Variants in REL observed in about 807,000 individuals in gnomAD.
REL encodes the protein REL proto-oncogene, NF-kB subunit.
Under a neutral mutation model 45.9 loss-of-function variants are expected in REL, and 15 were observed. The ratio of observed to expected loss-of-function variants is 0.33; its 90% CI spans 0.22 to 0.50. The LOEUF (loss-of-function observed/expected upper bound fraction) is 0.50. Among genes scored for constraint, REL ranks in the 20% least tolerant of loss-of-function variants. REL has a pLI of 0.98. For missense variants in REL, 601 were observed against 715.2 expected, an observed-to-expected ratio of 0.84 and a Z score of 1.82; for synonymous variants, 239 against 242.1, an observed-to-expected ratio of 0.99 and a Z score of 0.12.
Position 60,929,887 on chromosome 2 carries a change from G to C in REL, c.*7352G>C, listed in dbSNP as rs1674350485. 1 of 152,060 alleles carries C rather than the reference G, an allele frequency of 6.6e-6. No homozygotes were observed. Among genetic ancestry groups the C allele is most frequent in the Non-Finnish European group, 1.5e-5 (1 of 68,008 alleles). The allele number at this position is 152,060 out of a possible 1,614,324, so 9.4% of individuals were successfully genotyped here. The stretch of plus-strand genomic sequence containing the variant: ...ATGGTGACATGTGCCTGTGGTCCCA[G>C]CTATTAGGGAGGCTGAGGTGGGAGG... On this transcript the variant is annotated 3_prime_UTR_variant, in exon 10 of 10. Transcript: ENST00000394479.
intron 4 of REL, among the ~76,000 whole-genome samples, chr2:60,914,670 C>T (rs890998221): frequency 7.2e-5 from 11 of 152,152 alleles, no homozygotes; most frequent in Non-Finnish European, 1.5e-4. Context: ...TACCCTGCCT[C>T]TGCCTCAGGC....
At chr2:60,914,127 A>G (rs910915107) in intron 4 of REL, among the ~76,000 whole-genome samples, 4 of 152,244 alleles carry the variant, frequency 2.6e-5, no homozygotes, top group Non-Finnish European at 4.4e-5. Context: ...AAAACTTTTA[A>G]GGGCATAAGA....
intron 3 of REL, chr2:60,899,333 A>G (rs1673435823): frequency 6.6e-6 from 1 of 152,072 alleles, no homozygotes; most frequent in South Asian, 2.1e-4. Context: ...AAAAATACAA[A>G]AATTAGCCAG....
chr2:60,920,060 A>G lies in REL; in HGVS notation c.873A>G (p.Ala291=). 1.9e-6 allele frequency: 3 copies of G among 1,611,920 alleles called. No homozygotes were observed. Among genetic ancestry groups the G allele is most frequent in the Non-Finnish European group, 2.5e-6 (3 of 1,178,732 alleles). ...PDEKDTYGNK[A]KKQKTTLLFQ... ...AATCAGATACTTACGGCAATAAAGCAAAGAAACAAAAGACAACTCTGCTTT... is the reference window on the plus strand; with the variant it reads ...AATCAGATACTTACGGCAATAAAGCGAAGAAACAAAAGACAACTCTGCTTT... Residue 291 remains alanine (A), a synonymous_variant, in exon 8 of 10, where the codon GCA becomes GCG. Transcript: ENST00000394479.
At chr2:60,885,935 A>AT (rs1024011345) in intron 1 of REL, among the ~76,000 whole-genome samples, 4 of 152,080 alleles carry the variant, frequency 2.6e-5, no homozygotes, top group South Asian at 2.1e-4. Context: ...CTATATTGTC[A>AT]TTTTTTCTTG....
chr2:60,920,413 A>G, intron 8 of REL, 161 bp from the exon 9 acceptor site: 1 of 670,014 alleles, frequency 1.5e-6, no homozygotes, highest in Non-Finnish European at 2.7e-6. Flanking sequence ...GTTGACCAGG[A>G]TGGTCTTGAA....
intron 9 of REL, among the ~76,000 whole-genome samples, chr2:60,920,916 ATTTGGTTAGTTACCTGT>A (rs2103986976): frequency 6.6e-6 from 1 of 152,196 alleles, no homozygotes; most frequent in Non-Finnish European, 1.5e-5. Flanking sequence ...AATGTTACTG[ATTTGGTTAGTTACCTGT>A]TTTTATAAAT....
In REL at chr2:60,926,470, C is replaced by T. The variant is rs1483348142; in HGVS notation, c.*3935C>T. ...TCACACTGCTTGACCTATGTATAACCTCCTATACTTCCCTCTTTGCATACT... is the reference window on the plus strand; with the variant it reads ...TCACACTGCTTGACCTATGTATAACTTCCTATACTTCCCTCTTTGCATACT... On this transcript the variant is annotated 3_prime_UTR_variant, in exon 10 of 10. Transcript: ENST00000394479. 4.3e-6 allele frequency: 1 copy of T among 231,790 alleles called. No individual in the cohort carries two copies. Among genetic ancestry groups the T allele is most frequent in the African/African-American group, 2.2e-5 (1 of 45,154 alleles). 14.4% of individuals were successfully genotyped at this position (231,790 alleles called of 1,614,324 possible). A position where few individuals can be genotyped will look rare whatever the true frequency, so the allele number is the denominator to read the frequency against.
rs1158277848 is a variant in REL at position 60,926,534 on chromosome 2, G to T, written c.*3999G>T. 1 of 231,700 alleles carries T rather than the reference G, an allele frequency of 4.3e-6. No homozygotes were observed. 14.4% of individuals were successfully genotyped at this position (231,700 alleles called of 1,614,324 possible). A position where few individuals can be genotyped will look rare whatever the true frequency, so the allele number is the denominator to read the frequency against. ...TGTGGTAGTCAAGATTCCTCCCTGAGATTTATTTCCCATGAGTCTTGACCC... is the reference window on the plus strand; with the variant it reads ...TGTGGTAGTCAAGATTCCTCCCTGATATTTATTTCCCATGAGTCTTGACCC... On this transcript the variant is annotated 3_prime_UTR_variant, in exon 10 of 10. Coordinates refer to ENST00000394479, the MANE Select transcript of REL (RefSeq NM_001291746.2).
intron 4 of REL, among the ~76,000 whole-genome samples, chr2:60,904,315 T>G (rs887472759): frequency 2.0e-5 from 3 of 151,728 alleles, no homozygotes; most frequent in Admixed American, 6.6e-5. Flanking sequence ...AGCAGGAGAT[T>G]CGCTTGAACC....
At chr2:60,900,842 C>G in intron 3 of REL, 150 bp from the exon 4 acceptor site, 1 of 683,572 alleles carries the variant, frequency 1.5e-6, no homozygotes, top group Non-Finnish European at 2.4e-6. Flanking sequence ...ACTTCTTACT[C>G]TCTCATCTTT....
chr2:60,900,680 T>C (rs1256156911), intron 3 of REL: 1 of 241,610 alleles, frequency 4.1e-6, no homozygotes, highest in African/African-American at 2.3e-5. Flanking sequence ...TGTGCCACTA[T>C]GCCTGGCTAA....
chr2:60,920,515 T>TA, intron 8 of REL, 59 bp from the exon 9 acceptor site: 1 of 1,356,946 alleles, frequency 7.4e-7, no homozygotes, highest in Non-Finnish European at 1.1e-6. Context: ...TTTCAGATTT[T>TA]AACTGATAAT....
chr2:60,928,154 CAAA>C lies in REL; in HGVS notation c.*5634_*5636del, dbSNP rs549824510. Reference sequence around the variant, plus strand: ...GTAATATAAGGAAAACCTGTCTCTGCAAAAAAAAAAAAAAAAAGAGGATACAAC... The same window carrying C: ...GTAATATAAGGAAAACCTGTCTCTGCAAAAAAAAAAAAAAGAGGATACAAC... On this transcript the variant is annotated 3_prime_UTR_variant, in exon 10 of 10. Coordinates refer to ENST00000394479, the MANE Select transcript of REL (RefSeq NM_001291746.2). 135 of 83,116 alleles carry C rather than the reference CAAA, an allele frequency of 1.6e-3. No homozygotes were observed. Among genetic ancestry groups the C allele is most frequent in the Middle Eastern group, 9.6e-3 (2 of 208 alleles). The allele number at this position is 83,116 out of a possible 1,614,324, so 5.1% of individuals were successfully genotyped here.
chr2:60,896,912 T>C (rs1334962810), intron 3 of REL, among the ~76,000 whole-genome samples: 1 of 152,246 alleles, frequency 6.6e-6, no homozygotes, highest in Admixed American at 6.5e-5. Flanking sequence ...GGTAACATTA[T>C]ATTTAACATG....
intron 4 of REL, among the ~76,000 whole-genome samples, chr2:60,902,595 C>CTT (rs59468048): frequency 2.6e-4 from 32 of 120,772 alleles, no homozygotes; most frequent in African/African-American, 5.8e-4. Flanking sequence ...ATTTAGTCAT[C>CTT]TTTTTTTTTT....
chr2:60,903,822 C>T (rs1221019995), intron 4 of REL, among the ~76,000 whole-genome samples: 5 of 152,042 alleles, frequency 3.3e-5, no homozygotes, highest in East Asian at 1.9e-4. Flanking sequence ...TTAGCCACCA[C>T]GCCTGGCCAG....
At position 60,901,041 on chromosome 2, in the gene REL, G is replaced by A; in HGVS notation, c.352G>A (p.Ala118Thr). The A allele has an allele frequency of 6.2e-7, 1 of 1,608,594 alleles. No individual in the cohort carries two copies. Among genetic ancestry groups the A allele is most frequent in the Non-Finnish European group, 8.5e-7 (1 of 1,177,902 alleles). Residue 118 changes from alanine (A) to threonine (T), a missense_variant, in exon 4 of 10, where the codon GCT (alanine) becomes ACT (threonine). Physicochemically the swap from Ala to Thr is moderately conservative, Grantham distance 58. Coordinates refer to ENST00000394479, the MANE Select transcript of REL (RefSeq NM_001291746.2). Reference sequence around the variant, plus strand: ...TGTGAAGAAAAAAGAAGTAAAAGAAGCTATTATTACAAGAATAAAGGCAGG... The same window carrying A: ...TGTGAAGAAAAAAGAAGTAAAAGAAACTATTATTACAAGAATAAAGGCAGG... ...RCVKKKEVKE[A>T]IITRIKAGIN...
intron 6 of REL, 44 bp downstream of exon 6, chr2:60,918,339 T>A (rs754995455): frequency 2.6e-5 from 41 of 1,556,190 alleles, no homozygotes; most frequent in Non-Finnish European, 3.5e-5. Context: ...TTTAGATTAA[T>A]AGATGCAGTT....
Sources: allele counts gnomAD v4.1 joint callset (sites outside exome capture counted in the v4.1 genomes callset), GRCh38; gene constraint gnomAD v4.1.1; transcripts MANE v1.5; gene names NCBI Gene and HGNC (gene_info 2026-07-23, HGNC 2026-07-21).